PLSCR2: variants seen among roughly 807,000 people sequenced by gnomAD.
PLSCR2 encodes PL scramblase 2.
PLSCR2 carries 18 observed loss-of-function variants against 25.3 expected under a neutral mutation model. The observed-to-expected ratio is 0.71, with a 90% confidence interval of 0.49 to 1.06. The LOEUF is 1.06. Ranked by LOEUF, PLSCR2 falls within the 50% of genes least tolerant of loss-of-function variation. PLSCR2 has a pLI of 0.00. For synonymous variants in PLSCR2, 88 were observed against 87.3 expected (o/e 1.01, Z -0.04); for missense variants, 243 against 269.5 (o/e 0.90, Z 0.69).
At chr3:146,426,261 CCTTCCTTCCTTCTTTT>C (rs1470873003) in intron 2 of PLSCR2, among the ~76,000 whole-genome samples, 1 of 139,110 alleles carries the variant, frequency 7.2e-6, no homozygotes, top group Non-Finnish European at 1.6e-5. Context: ...CTCCCTCCTT[CCTTCCTTCCTTCTTTT>C]CTTCCTTCCT....
At chr3:146,458,537 C>T (rs2041356274) in intron 2 of PLSCR2, 84 bp from the exon 3 acceptor site, 1 of 933,914 alleles carries the variant, frequency 1.1e-6, no homozygotes, top group East Asian at 3.3e-5. Context: ...TTTAATACTG[C>T]ATATAATCAG....
intron 8 of PLSCR2, among the ~76,000 whole-genome samples, chr3:146,434,880 T>C (rs2039742141): frequency 6.6e-6 from 1 of 151,932 alleles, no homozygotes; most frequent in Non-Finnish European, 1.5e-5. Context: ...CATTAACTTG[T>C]CATTTACATT....
At chr3:146,395,173 G>A (rs1212020454) in intron 3 of PLSCR2, among the ~76,000 whole-genome samples, 2 of 152,260 alleles carry the variant, frequency 1.3e-5, no homozygotes, top group African/African-American at 4.8e-5. Context: ...ATCATCTAAA[G>A]TTCAATAAAA....
upstream of PLSCR2, among the ~76,000 whole-genome samples, chr3:146,464,945 C>T (rs1437388042): frequency 6.6e-6 from 1 of 152,116 alleles, no homozygotes; most frequent in Non-Finnish European, 1.5e-5. Context: ...GGTTTGACCT[C>T]CTGCACTAGG....
At chr3:146,477,122 G>C (rs2042315357) in intron 1 of PLSCR2, among the ~76,000 whole-genome samples, 1 of 152,204 alleles carries the variant, frequency 6.6e-6, no homozygotes, top group South Asian at 2.1e-4. Flanking sequence ...TCTGTTCCAA[G>C]ATGGCCAAAT....
exon 7 of PLSCR2, chr3:146,441,770 C>T: frequency 6.4e-7 from 1 of 1,569,622 alleles, no homozygotes. Context: ...TAATCCACTC[C>T]CACACTCTGA....
intron 8 of PLSCR2, among the ~76,000 whole-genome samples, chr3:146,433,942 T>C (rs1323155145): frequency 1.4e-4 from 21 of 152,176 alleles, no homozygotes; most frequent in Admixed American, 1.4e-3. Flanking sequence ...CTGAAAGGGA[T>C]ACCCTTATTT....
chr3:146,403,493 G>A (rs1287672580), intron 2 of PLSCR2, among the ~76,000 whole-genome samples: 2 of 152,144 alleles, frequency 1.3e-5, no homozygotes, highest in Non-Finnish European at 2.9e-5. Flanking sequence ...ACCACACCTG[G>A]AGAGTCACTG....
At chr3:146,401,260 C>T (rs1049416200) in intron 2 of PLSCR2, 2 of 152,306 alleles carry the variant, frequency 1.3e-5, no homozygotes, top group Non-Finnish European at 2.9e-5. Context: ...TGACGTTTTC[C>T]ATTCCAGACA....
downstream of PLSCR2, among the ~76,000 whole-genome samples, chr3:146,439,581 T>G (rs1200715007): frequency 1.3e-5 from 2 of 152,028 alleles, no homozygotes; most frequent in African/African-American, 2.4e-5. Context: ...ACTGTGTGCA[T>G]GCATCACGTA....
intron 2 of PLSCR2, among the ~76,000 whole-genome samples, chr3:146,424,792 G>A (rs1608390): frequency 0.58 from 87,626 of 151,652 alleles, 25,698 homozygotes; most frequent in South Asian, 0.76. Flanking sequence ...CCACCCTCCC[G>A]TAGGACATTT....
In PLSCR2 at chr3:146,398,206, C is replaced by T. The variant is rs900171307; in HGVS notation, c.101-2285G>A. On this transcript the variant is annotated intron_variant and NMD_transcript_variant, in intron 2 of 3. Coordinates refer to the PLSCR2 transcript ENST00000463633. ...GTGAAGTATGTTTAGTAGCTAATTT[C>T]CCAAATTATTATCTGGATGTTGGCT... 4.6e-5 allele frequency among the ~76,000 whole-genome samples: 7 copies of T among 151,748 alleles called. No homozygotes were observed. In the East Asian group the frequency reaches 1.4e-3, roughly 29 times the overall value.
rs2041482779 is a variant in PLSCR2 at position 146,460,171 on chromosome 3, C to A, written c.-180+1G>T. ...ATAACCCCAGTTATCTACAAACTGACCTCTCAGCTCAGAAGTCCTATATCT... is the reference window on the plus strand; with the variant it reads ...ATAACCCCAGTTATCTACAAACTGAACTCTCAGCTCAGAAGTCCTATATCT... On this transcript the variant is annotated splice_donor_variant, in intron 1 of 6. Transcript: ENST00000610787. LOFTEE classifies it low-confidence loss of function (5UTR_SPLICE). The A allele has an allele frequency of 2.9e-6, 4 of 1,385,620 alleles. No homozygotes were observed. The highest frequency in any genetic ancestry group is 2.8e-6 in the Non-Finnish European group (3 of 1,055,152). The allele number at this position is 1,385,620 out of a possible 1,614,324, so 85.8% of individuals were successfully genotyped here.
At chr3:146,493,003 A>T (rs976251233) in intron 1 of PLSCR2, among the ~76,000 whole-genome samples, 4 of 151,980 alleles carry the variant, frequency 2.6e-5, no homozygotes, top group African/African-American at 7.2e-5. Context: ...ATACAAAAAA[A>T]AAGTCTCAAA....
chr3:146,480,976 C>G (rs56023196), intron 1 of PLSCR2, among the ~76,000 whole-genome samples: 4,241 of 152,140 alleles, frequency 0.028, 241 homozygotes, highest in African/African-American at 0.096. Flanking sequence ...GAACCAATGA[C>G]AAAAAACACA....
downstream of PLSCR2, among the ~76,000 whole-genome samples, chr3:146,438,310 T>C (rs1215902092): frequency 6.6e-6 from 1 of 152,150 alleles, no homozygotes; most frequent in Non-Finnish European, 1.5e-5. Context: ...CAGAGCTGAG[T>C]TCAATTCCTG....
intron 1 of PLSCR2, among the ~76,000 whole-genome samples, chr3:146,483,479 G>GTATGTATATATATA (rs2043220956): frequency 1.8e-5 from 1 of 54,824 alleles, no homozygotes; most frequent in African/African-American, 8.4e-5. Flanking sequence ...ATATACATGT[G>GTATGTATATATATA]TATATATATA....
At chr3:146,462,283 G>A (rs76258070), upstream of PLSCR2, among the ~76,000 whole-genome samples, 6,200 of 151,886 alleles carry the variant, frequency 0.041, 170 homozygotes, top group Non-Finnish European at 0.061. Context: ...ATGGAGACAA[G>A]GTCTCATTAT....
chr3:146,398,387 G>A (rs1431046662), intron 2 of PLSCR2, among the ~76,000 whole-genome samples: 1 of 151,564 alleles, frequency 6.6e-6, no homozygotes, highest in African/African-American at 2.4e-5. Flanking sequence ...TTTAAATAAA[G>A]TTTAATTTTC....
Sources: allele counts gnomAD v4.1 joint callset (sites outside exome capture counted in the v4.1 genomes callset), GRCh38; gene constraint gnomAD v4.1.1; transcripts MANE v1.5; gene names NCBI Gene and HGNC (gene_info 2026-07-23, HGNC 2026-07-21).